Variants in CHRM3 observed in about 807,000 individuals in gnomAD.
The protein encoded by CHRM3 is muscarinic acetylcholine receptor M3.
In CHRM3, 11 loss-of-function variants were observed where a neutral mutation model predicts 41.8. That is an observed-to-expected ratio of 0.26 (90% confidence interval 0.17 to 0.44). CHRM3 has a LOEUF of 0.44. Ranked by LOEUF, CHRM3 falls within the 20% of genes least tolerant of loss-of-function variation. The pLI, the probability that CHRM3 is intolerant of heterozygous loss-of-function variation, is 1.00. For synonymous variants in CHRM3, 297 were observed against 301.4 expected (o/e 0.99, Z 0.15); for missense variants, 571 against 745.4 (o/e 0.77, Z 2.72).
At chr1:239,505,018 TACTC>T (rs1220716094) in intron 2 of CHRM3, among the ~76,000 whole-genome samples, 2 of 152,106 alleles carry the variant, frequency 1.3e-5, no homozygotes, top group South Asian at 2.1e-4. Flanking sequence ...CTAAAGAACT[TACTC>T]ATGTAACCAA....
At chr1:239,446,049 T>G (rs959650440) in intron 1 of CHRM3, among the ~76,000 whole-genome samples, 1 of 152,128 alleles carries the variant, frequency 6.6e-6, no homozygotes, top group Admixed American at 6.5e-5. Context: ...GCAATTCTCC[T>G]GCCTCAGCCT....
chr1:239,740,089 C>T (rs533447503), intron 5 of CHRM3, among the ~76,000 whole-genome samples: 1 of 152,146 alleles, frequency 6.6e-6, no homozygotes, highest in Non-Finnish European at 1.5e-5. Context: ...AGAAGAGTTA[C>T]CCTGCTGTGA....
chr1:239,459,230 C>A (rs536823538), intron 1 of CHRM3, among the ~76,000 whole-genome samples: 1 of 152,050 alleles, frequency 6.6e-6, no homozygotes, highest in South Asian at 2.1e-4. Context: ...AATGAAAAAT[C>A]AAGTACCTAT....
At chr1:239,529,034 G>T (rs908654975) in intron 2 of CHRM3, among the ~76,000 whole-genome samples, 2 of 152,128 alleles carry the variant, frequency 1.3e-5, no homozygotes, top group African/African-American at 2.4e-5. Flanking sequence ...TAGATCCTCT[G>T]TTTCCTCCCA....
At chr1:239,564,765 C>G (rs1661192769) in intron 3 of CHRM3, among the ~76,000 whole-genome samples, 1 of 152,160 alleles carries the variant, frequency 6.6e-6, no homozygotes, top group Non-Finnish European at 1.5e-5. Context: ...AGGGTATACA[C>G]TATTCAGATA....
chr1:239,410,246 CTT>C (rs1462822294), intron 1 of CHRM3, among the ~76,000 whole-genome samples: 1 of 152,126 alleles, frequency 6.6e-6, no homozygotes, highest in Non-Finnish European at 1.5e-5. Context: ...AATTTTTCCT[CTT>C]AAGTTTTCCT....
rs1558292992 is a variant in CHRM3, at chr1:239,529,643, CAACAAT to C, written c.-421-15992_-421-15987del. Among the ~76,000 whole-genome samples the C allele has an allele frequency of 2.7e-4, 38 of 138,548 alleles. No individual in the cohort carries two copies. In the East Asian group the frequency reaches 7.6e-3, roughly 28 times the overall value. The allele number at this position is 138,548 out of a possible 152,430, so 90.9% of individuals were successfully genotyped here. A position where few individuals can be genotyped will look rare whatever the true frequency, so the allele number is the denominator to read the frequency against. On this transcript the variant is annotated intron_variant, in intron 2 of 6. Coordinates refer to ENST00000676153, the MANE Select transcript of CHRM3 (RefSeq NM_001375978.1). ...AAAAAAAAAAAAAACAAACAAACAA[CAACAAT>C]AACAACAACAAAAGCCTTGTTAATT...
At chr1:239,411,938 A>G (rs1490763077) in intron 1 of CHRM3, among the ~76,000 whole-genome samples, 4 of 151,688 alleles carry the variant, frequency 2.6e-5, no homozygotes, top group Admixed American at 2.6e-4. Context: ...TTACTTTCAT[A>G]TTTCTAAATA....
At chr1:239,587,084 A>G (rs894398324) in intron 3 of CHRM3, among the ~76,000 whole-genome samples, 12 of 152,170 alleles carry the variant, frequency 7.9e-5, no homozygotes, top group African/African-American at 2.9e-4. Context: ...GAAAGAGTTG[A>G]CTTCAGCGCT....
chr1:239,913,989 A>G lies in CHRM3; in HGVS notation c.*4765A>G, dbSNP rs1680508831. On this transcript the variant is annotated 3_prime_UTR_variant, in exon 7 of 7. Coordinates refer to ENST00000676153, the MANE Select transcript of CHRM3 (RefSeq NM_001375978.1). Reference sequence around the variant, plus strand: ...CTGAGACCACCCCAAAAAATCATCTAGAGAATCAAAGGGGCTCACATCTCA... The same window carrying G: ...CTGAGACCACCCCAAAAAATCATCTGGAGAATCAAAGGGGCTCACATCTCA... 6.0e-6 allele frequency: 1 copy of G among 166,994 alleles called. No individual in the cohort carries two copies. Among genetic ancestry groups the G allele is most frequent in the Admixed American group, 6.5e-5 (1 of 15,270 alleles). 10.3% of individuals were successfully genotyped at this position (166,994 alleles called of 1,614,324 possible).
Position 239,908,517 on chromosome 1 carries a change from G to A in CHRM3, c.1066G>A (p.Asp356Asn), listed in dbSNP as rs1680146533. The A allele has an allele frequency of 1.9e-6, 3 of 1,596,810 alleles. No individual in the cohort carries two copies. Among genetic ancestry groups the A allele is most frequent in the Non-Finnish European group, 2.6e-6 (3 of 1,171,494 alleles). ...LENSASSDEEDIGSETRAIYS... is the reference protein window; with the variant it reads ...LENSASSDEENIGSETRAIYS... Reference sequence around the variant, plus strand: ...GAACTCCGCCTCCTCCGACGAGGAGGACATTGGCTCCGAGACGAGAGCCAT... The same window carrying A: ...GAACTCCGCCTCCTCCGACGAGGAGAACATTGGCTCCGAGACGAGAGCCAT... The change falls in exon 7 of 7, where the codon GAC becomes AAC. Residue 356 changes from aspartate to asparagine, a missense_variant. Asp to Asn is a conservative substitution (Grantham distance 23, BLOSUM62 1). Transcript: ENST00000676153. The surrounding 1 kb of genome is among the most constrained non-coding windows in gnomAD (Gnocchi z 7.2).
chr1:239,597,859 T>TTTTG (rs2148669772), intron 3 of CHRM3, among the ~76,000 whole-genome samples: 1 of 6,272 alleles, frequency 1.6e-4, no homozygotes, highest in Admixed American at 6.7e-3. Flanking sequence ...ACTGTCAGAG[T>TTTTG]TTTTTTTTTT....
At chr1:239,852,232 A>C (rs531004154) in intron 6 of CHRM3, among the ~76,000 whole-genome samples, 2 of 152,310 alleles carry the variant, frequency 1.3e-5, no homozygotes, top group Admixed American at 1.3e-4. Flanking sequence ...AAAATGAAAA[A>C]TCTATGTTTG....
intron 4 of CHRM3, among the ~76,000 whole-genome samples, chr1:239,642,255 C>G (rs1377586152): frequency 3.3e-5 from 5 of 150,224 alleles, no homozygotes; most frequent in African/African-American, 1.2e-4. Flanking sequence ...TGGAGTTGCT[C>G]TTCTCGAGGA....
intron 1 of CHRM3, among the ~76,000 whole-genome samples, chr1:239,479,484 A>C (rs1666686336): frequency 6.6e-6 from 1 of 152,218 alleles, no homozygotes; most frequent in Non-Finnish European, 1.5e-5. Flanking sequence ...CAAAGTGCTG[A>C]GAAATAATAC....
intron 5 of CHRM3, among the ~76,000 whole-genome samples, chr1:239,778,617 T>C (rs1436715757): frequency 6.6e-6 from 1 of 152,194 alleles, no homozygotes; most frequent in Non-Finnish European, 1.5e-5. Context: ...AGCAACATTA[T>C]AGGATTCTCT....
At chr1:239,417,579 G>GTTTTTTTTTT (rs34926014) in intron 1 of CHRM3, among the ~76,000 whole-genome samples, 3 of 122,666 alleles carry the variant, frequency 2.4e-5, no homozygotes, top group Non-Finnish European at 3.3e-5. Flanking sequence ...AGATTAATTT[G>GTTTTTTTTTT]TTTTTTTTTT....
At chr1:239,570,904 C>G (rs964505941) in intron 3 of CHRM3, among the ~76,000 whole-genome samples, 2 of 151,928 alleles carry the variant, frequency 1.3e-5, no homozygotes, top group South Asian at 2.1e-4. Flanking sequence ...ACAAAAACAG[C>G]GAGAAGTAAA....
At chr1:239,785,965 G>A (rs1266006030) in intron 5 of CHRM3, among the ~76,000 whole-genome samples, 8 of 152,112 alleles carry the variant, frequency 5.3e-5, no homozygotes, top group Non-Finnish European at 1.2e-4. Context: ...TAGTACATAT[G>A]GGTATAACTG....
Sources: gnomAD v4.1 joint callset for allele counts (sites outside exome capture counted in the v4.1 genomes callset) on GRCh38, gnomAD v4.1.1 for gene constraint, Gnocchi (gnomAD v3.1) non-coding constraint, MANE v1.5 for transcripts, NCBI Gene and HGNC (gene_info 2026-07-23, HGNC 2026-07-21) for gene names.